Variants in SP3 observed in about 807,000 individuals in gnomAD.
SP3 encodes transcription factor Sp3.
A neutral mutation model predicts 70.3 loss-of-function variants in SP3; 10 were observed. That is an observed-to-expected ratio of 0.14 (90% confidence interval 0.09 to 0.24). The LOEUF is 0.24. Among genes scored for constraint, SP3 ranks in the 10% least tolerant of loss-of-function variants. The probability of loss-of-function intolerance (pLI) is 1.00; values close to 1 mark genes in which losing one functional copy is unlikely to be tolerated. For synonymous variants in SP3, 402 were observed against 333.5 expected (o/e 1.21, Z -2.24); for missense variants, 825 against 914.6 (o/e 0.90, Z 1.26).
At chr2:173,916,333 G>C (rs947674871) in intron 5 of SP3, 1 of 151,958 alleles carries the variant, frequency 6.6e-6, no homozygotes, top group East Asian at 1.9e-4. Context: ...ATAAAGGAAA[G>C]GCTGACCAAC....
intron 4 of SP3, among the ~76,000 whole-genome samples, chr2:173,953,739 G>A (rs1574422912): frequency 1.3e-5 from 2 of 150,598 alleles, no homozygotes; most frequent in African/African-American, 4.9e-5. Flanking sequence ...CTGCACTCCA[G>A]CCTGTGTGAC....
In SP3 at chr2:173,903,939, A is replaced by G. The variant is rs1689240280; in HGVS notation, c.*6002T>C. ...GGTATTTCCTAGGACGGCGGTCCCC[A>G]AACTTTTTGGCACCAGGGACTAGTT... On this transcript the variant is annotated 3_prime_UTR_variant, in exon 7 of 7. Transcript: ENST00000310015. 6.7e-6 allele frequency among the ~76,000 whole-genome samples: 1 copy of G among 150,028 alleles called. No individual in the cohort carries two copies. The highest frequency in any genetic ancestry group is 1.5e-5 in the Non-Finnish European group (1 of 67,582).
intron 4 of SP3, among the ~76,000 whole-genome samples, chr2:173,943,550 C>T (rs971379654): frequency 2.6e-5 from 4 of 152,118 alleles, no homozygotes; most frequent in African/African-American, 7.2e-5. Flanking sequence ...AGGCTGGTCT[C>T]GAACTCCTGG....
In SP3 at chr2:173,911,331, GA is replaced by G. The variant is rs370304200; in HGVS notation, c.2030-1075del. 1.6e-4 allele frequency among the ~76,000 whole-genome samples: 25 copies of G among 152,252 alleles called. 1 individual carries two copies. In the East Asian group the frequency reaches 4.8e-3, roughly 29 times the overall value. ...AAGTGTGCCTCAATCCTACTTAACAGAAATGTTATGTAAAATCTCATCCTCA... is the reference window on the plus strand; with the variant it reads ...AAGTGTGCCTCAATCCTACTTAACAGAATGTTATGTAAAATCTCATCCTCA... On this transcript the variant is annotated intron_variant, in intron 6 of 6. Transcript: ENST00000310015.
chr2:173,922,528 G>C (rs564881136), intron 4 of SP3, among the ~76,000 whole-genome samples: 5 of 151,946 alleles, frequency 3.3e-5, no homozygotes, highest in Admixed American at 3.3e-4. Context: ...ATTAGGCATT[G>C]AGAGTCATCT....
chr2:173,921,506 AGAGAGCG>A (rs1403121574), intron 4 of SP3, among the ~76,000 whole-genome samples: 1 of 150,680 alleles, frequency 6.6e-6, no homozygotes, highest in African/African-American at 2.5e-5. Flanking sequence ...CTGAGCCAAG[AGAGAGCG>A]GTCCCGTCAC....
At chr2:173,925,551 G>A (rs1234889802) in intron 4 of SP3, among the ~76,000 whole-genome samples, 1 of 152,068 alleles carries the variant, frequency 6.6e-6, no homozygotes, top group African/African-American at 2.4e-5. Flanking sequence ...TTGTTAAGAT[G>A]GTAAATTTAA....
At position 173,955,273 on chromosome 2, in the gene SP3, C is replaced by A; in HGVS notation, c.1239G>T (p.Val413=). Residue 413 remains valine (V), a synonymous_variant, in exon 4 of 7, where the codon GTG becomes GTT. Transcript: ENST00000310015. ...SQQPTSQAQI[V]QGITPQTIHG... ...GGATTGTCTGTGGTGTAATACCTTG[C>A]ACAATTTGGGCTTGACTGGTTGGCT... is the stretch of plus-strand genomic sequence containing the variant. The A allele has an allele frequency of 6.2e-7, 1 of 1,614,082 alleles. No homozygotes were observed.
chr2:173,964,702 G>A, intron 1 of SP3, 149 bp from the exon 2 acceptor site: 1 of 416,670 alleles, frequency 2.4e-6, no homozygotes, highest in South Asian at 4.0e-5. Flanking sequence ...GGCGGCGGCG[G>A]CGGCTCCCTC....
chr2:173,916,673 G>A (rs1312246970), intron 5 of SP3: 2 of 151,998 alleles, frequency 1.3e-5, no homozygotes, highest in Non-Finnish European at 1.5e-5. Flanking sequence ...TGTTGGCAAA[G>A]GTGTGGGAAA....
intron 3 of SP3, 26 bp downstream of exon 3, chr2:173,963,735 G>A (rs1476862270): frequency 2.1e-6 from 2 of 950,178 alleles, no homozygotes; most frequent in Non-Finnish European, 1.3e-6. Flanking sequence ...CGGCCTCGGC[G>A]GGGGCGGGCC....
chr2:173,948,281 GA>G (rs1190158857), intron 4 of SP3, among the ~76,000 whole-genome samples: 1 of 152,176 alleles, frequency 6.6e-6, no homozygotes, highest in Admixed American at 6.5e-5. Context: ...CTGAAAACAT[GA>G]AATTAAAAAT....
At chr2:173,920,964 A>T (rs1299966575) in intron 4 of SP3, among the ~76,000 whole-genome samples, 1 of 152,066 alleles carries the variant, frequency 6.6e-6, no homozygotes, top group South Asian at 2.1e-4. Context: ...CCTACTTTTG[A>T]GGGACATATA....
Position 173,907,898 on chromosome 2 carries a change from T to C in SP3, c.*2043A>G, listed in dbSNP as rs1415033524. On this transcript the variant is annotated 3_prime_UTR_variant, in exon 7 of 7. Coordinates refer to ENST00000310015, the MANE Select transcript of SP3 (RefSeq NM_003111.5). ...GCTTAAGTCTCACATTTAGAAAAAC[T>C]GTCCATGTTTATGCGTGTCTAGAGT... 6.6e-6 allele frequency: 1 copy of C among 152,162 alleles called. No homozygotes were observed. Among genetic ancestry groups the C allele is most frequent in the Non-Finnish European group, 1.5e-5 (1 of 67,992 alleles). 9.4% of individuals were successfully genotyped at this position (152,162 alleles called of 1,614,324 possible).
chr2:173,965,311 G>A lies in SP3; in HGVS notation c.-140C>T. The A allele has an allele frequency of 1.0e-6, 1 of 991,284 alleles. No individual in the cohort carries two copies. The highest frequency in any genetic ancestry group is 1.5e-6 in the Non-Finnish European group (1 of 658,506). 61.4% of individuals were successfully genotyped at this position (991,284 alleles called of 1,614,324 possible). ...TCCGGGGATTTTTTTTTCCTATTTTGATTGACTGTGCGGGAAACACAAAAG... is the reference window on the plus strand; with the variant it reads ...TCCGGGGATTTTTTTTTCCTATTTTAATTGACTGTGCGGGAAACACAAAAG... On this transcript the variant is annotated 5_prime_UTR_variant, in exon 1 of 7. Coordinates refer to ENST00000310015, the MANE Select transcript of SP3 (RefSeq NM_003111.5).
intron 4 of SP3, among the ~76,000 whole-genome samples, chr2:173,921,417 G>C (rs1024931451): frequency 3.3e-5 from 5 of 152,162 alleles, no homozygotes; most frequent in African/African-American, 9.7e-5. Context: ...GACTGGGCAG[G>C]GTGGCTCATG....
rs1456506900 is a variant in SP3, at chr2:173,907,505, C to T, written c.*2436G>A. 1 of 152,060 alleles carries T rather than the reference C, an allele frequency of 6.6e-6. No homozygotes were observed. Among genetic ancestry groups the T allele is most frequent in the Non-Finnish European group, 1.5e-5 (1 of 67,952 alleles). The allele number at this position is 152,060 out of a possible 1,614,324, so 9.4% of individuals were successfully genotyped here. ...TCCTAGGGGGCACTAAAAAAATCTA[C>T]AACTTTATTTAAATAATTTTCAAGA... On this transcript the variant is annotated 3_prime_UTR_variant, in exon 7 of 7. Transcript: ENST00000310015.
At chr2:173,950,132 C>A (rs529258089) in intron 4 of SP3, among the ~76,000 whole-genome samples, 30 of 151,950 alleles carry the variant, frequency 2.0e-4, no homozygotes, top group African/African-American at 6.8e-4. Context: ...CAGCTTGGCG[C>A]CTGATGTTTC....
chr2:173,920,462 C>G (rs765166542), intron 4 of SP3, among the ~76,000 whole-genome samples: 185 of 152,136 alleles, frequency 1.2e-3, no homozygotes, highest in Non-Finnish European at 1.8e-3. Context: ...AATTCATCAA[C>G]TGTTAACAAA....
Sources: gnomAD v4.1 joint callset for allele counts (sites outside exome capture counted in the v4.1 genomes callset) on GRCh38, gnomAD v4.1.1 for gene constraint, MANE v1.5 for transcripts, NCBI Gene and HGNC (gene_info 2026-07-23, HGNC 2026-07-21) for gene names.